Variants in TMCO6 observed in about 807,000 individuals in gnomAD.
TMCO6 encodes transmembrane and coiled-coil domains 6.
In TMCO6, 47 loss-of-function variants were observed where a neutral mutation model predicts 61.8. That is an observed-to-expected ratio of 0.76 (90% CI 0.60 to 0.97). TMCO6 has a LOEUF of 0.97. Ranked by LOEUF, TMCO6 falls within the 50% of genes least tolerant of loss-of-function variation. TMCO6 has a pLI of 0.00. For missense variants in TMCO6, 557 were observed against 601.6 expected (o/e 0.93, Z 0.78); for synonymous variants, 261 against 254.2 (o/e 1.03, Z -0.25).
the TMCO6 span, among the ~76,000 whole-genome samples, chr5:140,601,583 C>T: frequency 1.5e-4 from 23 of 152,166 alleles, no homozygotes; most frequent in Admixed American, 9.2e-4. Flanking sequence ...GAGACAGAGT[C>T]TCGTTCTGTC....
chr5:140,630,290 C>A, the TMCO6 span, among the ~76,000 whole-genome samples: 1 of 150,982 alleles, frequency 6.6e-6, no homozygotes, highest in African/African-American at 2.4e-5. Flanking sequence ...CCACACCTGG[C>A]CCAGATATAT....
At chr5:140,627,437 A>T in the TMCO6 span, among the ~76,000 whole-genome samples, 61 of 152,238 alleles carry the variant, frequency 4.0e-4, no homozygotes, top group Admixed American at 1.3e-3. Flanking sequence ...TAGTAAACTC[A>T]GTGTCTGACC....
the TMCO6 span, among the ~76,000 whole-genome samples, chr5:140,608,140 ATCTTT>A: frequency 6.6e-6 from 1 of 152,054 alleles, no homozygotes; most frequent in Admixed American, 6.6e-5. Context: ...GATTTTGAGC[ATCTTT>A]TCTTATGTTT....
the TMCO6 span, among the ~76,000 whole-genome samples, chr5:140,625,683 G>A: frequency 2.6e-5 from 4 of 152,154 alleles, no homozygotes; most frequent in Non-Finnish European, 4.4e-5. Context: ...AACTTTTGTC[G>A]CTTTGCTCAC....
intron 2 of TMCO6, 110 bp from the exon 3 acceptor site, chr5:140,641,555 A>G (rs1003524149): frequency 1.1e-4 from 93 of 833,938 alleles, no homozygotes; most frequent in Non-Finnish European, 1.7e-4. Flanking sequence ...TGTGAATGAC[A>G]AGTTCTGAAG....
In TMCO6 at chr5:140,641,938, C is replaced by T. The variant is rs777697901; in HGVS notation, c.383C>T (p.Ala128Val). ...AACCAGGCCCTGCTGCAGCTTGAGG[C>T]GGCTCGGTGCCTGCATGAGCTCTCT... The part of the protein sequence containing the change: ...TSNQALLQLE[A>V]ARCLHELSHS... Residue 128 changes from alanine (A) to valine (V), a missense_variant, in exon 4 of 12, where the codon GCG becomes GTG. Transcript: ENST00000394671. The T allele has an allele frequency of 1.1e-5, 18 of 1,613,900 alleles. No homozygotes were observed. Among genetic ancestry groups the T allele is most frequent in the East Asian group, 6.7e-5 (3 of 44,872 alleles).
the TMCO6 span, among the ~76,000 whole-genome samples, chr5:140,617,011 C>T: frequency 6.6e-6 from 1 of 151,984 alleles, no homozygotes; most frequent in East Asian, 1.9e-4. Context: ...CCACTGCACT[C>T]CAGTCTAGGC....
the TMCO6 span, among the ~76,000 whole-genome samples, chr5:140,603,257 TAAC>T: frequency 6.6e-6 from 1 of 152,170 alleles, no homozygotes; most frequent in Non-Finnish European, 1.5e-5. Context: ...AGGCAAACAA[TAAC>T]AACATGTGAC....
At chr5:140,615,495 G>GA in the TMCO6 span, among the ~76,000 whole-genome samples, 20 of 150,964 alleles carry the variant, frequency 1.3e-4, no homozygotes, top group South Asian at 1.0e-3. Context: ...ACAATCTTGG[G>GA]AAAAAAAAGA....
At chr5:140,615,109 A>G in the TMCO6 span, among the ~76,000 whole-genome samples, 1 of 152,378 alleles carries the variant, frequency 6.6e-6, no homozygotes, top group East Asian at 1.9e-4. Flanking sequence ...AAGTTGCAGG[A>G]TACAAAATCA....
the TMCO6 span, among the ~76,000 whole-genome samples, chr5:140,607,223 C>CCTA: frequency 6.6e-6 from 1 of 152,196 alleles, no homozygotes; most frequent in Non-Finnish European, 1.5e-5. Context: ...AACCCATTAA[C>CCTA]CTTTAATCTA....
chr5:140,601,125 C>T, the TMCO6 span, among the ~76,000 whole-genome samples: 1 of 152,168 alleles, frequency 6.6e-6, no homozygotes. Flanking sequence ...TAATCCCATC[C>T]ACCCTTGATT....
At chr5:140,613,051 A>C in the TMCO6 span, among the ~76,000 whole-genome samples, 2 of 152,176 alleles carry the variant, frequency 1.3e-5, no homozygotes, top group Non-Finnish European at 1.5e-5. Context: ...TTTCTGATAG[A>C]GATAAATGCT....
the TMCO6 span, chr5:140,633,621 T>C: frequency 6.0e-6 from 1 of 166,956 alleles, no homozygotes; most frequent in South Asian, 1.5e-4. Flanking sequence ...TCCAAGTCCC[T>C]GAATATCCTC....
the TMCO6 span, among the ~76,000 whole-genome samples, chr5:140,626,338 T>C: frequency 2.0e-5 from 3 of 147,464 alleles, no homozygotes; most frequent in African/African-American, 7.4e-5. Context: ...GAAAAAGATA[T>C]CCAATTTTAA....
Position 140,639,728 on chromosome 5 carries a change from T to C in TMCO6, c.86-11T>C, listed in dbSNP as rs2149789597. ...GTCCTTCCCACGCTCAGCCGGCTCC[T>C]CTGCCCCCAGCACTGCGGAAGGCGC... On this transcript the variant is annotated splice_polypyrimidine_tract_variant and intron_variant, in intron 1 of 11. Transcript: ENST00000394671. The C allele has an allele frequency of 6.3e-6, 10 of 1,582,348 alleles. No homozygotes were observed. The highest frequency in any genetic ancestry group is 1.7e-4 in the Middle Eastern group (1 of 6,016).
At chr5:140,633,459 G>T in the TMCO6 span, 1 of 409,706 alleles carries the variant, frequency 2.4e-6, no homozygotes, top group Middle Eastern at 7.6e-4. Flanking sequence ...TGGTGGGTGT[G>T]GGAAAAGGAT....
intron 2 of TMCO6, among the ~76,000 whole-genome samples, chr5:140,640,432 A>T (rs1278392812): frequency 1.5e-5 from 2 of 137,036 alleles, no homozygotes; most frequent in African/African-American, 5.6e-5. Flanking sequence ...TTTTTTTGAG[A>T]CTCTCGCTCT....
the TMCO6 span, among the ~76,000 whole-genome samples, chr5:140,618,433 G>T: frequency 2.8e-3 from 421 of 151,190 alleles, 2 homozygotes; most frequent in Non-Finnish European, 4.9e-3. Flanking sequence ...ACTCAAAAAA[G>T]AAAAAGAAAA....
Sources: gnomAD v4.1 joint callset for allele counts (sites outside exome capture counted in the v4.1 genomes callset) on GRCh38, gnomAD v4.1.1 for gene constraint, MANE v1.5 for transcripts, NCBI Gene and HGNC (gene_info 2026-07-23, HGNC 2026-07-21) for gene names.